The following ZNF451 variants were observed in gnomAD, a reference collection of about 807,000 sequenced individuals.
ZNF451 encodes zinc finger protein 451, also known as E3 SUMO-protein ligase ZNF451.
ZNF451 carries 80 observed loss-of-function variants against 107.1 expected under a neutral mutation model. The ratio of observed to expected loss-of-function variants is 0.75; its 90% CI spans 0.62 to 0.90. ZNF451 has a LOEUF of 0.90. Among genes scored for constraint, ZNF451 ranks in the 40% least tolerant of loss-of-function variants. The pLI, the probability that ZNF451 is intolerant of heterozygous loss-of-function variation, is 0.00. For synonymous variants in ZNF451, 362 were observed against 406.5 expected (o/e 0.89, Z 1.32); for missense variants, 1,107 against 1,236.2 (o/e 0.90, Z 1.57).
At position 57,148,625 on chromosome 6, in the gene ZNF451, C is replaced by A. The variant is rs760210216; in HGVS notation, c.2540C>A (p.Ala847Glu). The A allele has an allele frequency of 3.1e-6, 5 of 1,613,914 alleles. No homozygotes were observed. The highest frequency in any genetic ancestry group is 1.7e-6 in the Non-Finnish European group (2 of 1,179,882). Reference protein sequence around the residue: ...ASHTERKLKQAINYSKSLDME... With the variant: ...ASHTERKLKQEINYSKSLDME... The stretch of plus-strand genomic sequence containing the variant: ...CATACAGAGAGAAAACTGAAACAGG[C>A]AATAAACTATTCAAAAAGTTTAGAC... Residue 847 changes from alanine (A) to glutamate (E), a missense_variant, in exon 10 of 15, where the codon GCA becomes GAA. By Grantham distance (107) the Ala-to-Glu change is moderately radical. This residue lies in a region of ZNF451 where 608 missense variants were observed against 649.2 expected (regional missense o/e 0.94). Coordinates refer to ENST00000370706, the MANE Select transcript of ZNF451 (RefSeq NM_001031623.3).
intron 14 of ZNF451, among the ~76,000 whole-genome samples, chr6:57,163,487 G>C (rs1220127268): frequency 8.6e-4 from 68 of 78,618 alleles, no homozygotes; most frequent in African/African-American, 2.9e-3. Context: ...GTCTCGCTCT[G>C]TCGCCCAGGC....
At chr6:57,133,709 A>T (rs1393882886) in intron 6 of ZNF451, among the ~76,000 whole-genome samples, 1 of 152,158 alleles carries the variant, frequency 6.6e-6, no homozygotes, top group Non-Finnish European at 1.5e-5. Flanking sequence ...TTTTTGAGAC[A>T]GGATCTCACT....
intron 9 of ZNF451, among the ~76,000 whole-genome samples, chr6:57,144,867 T>A (rs1831982157): frequency 6.6e-6 from 1 of 152,158 alleles, no homozygotes; most frequent in Non-Finnish European, 1.5e-5. Flanking sequence ...AGGCAGAGGT[T>A]GCAGTGATCC....
intron 13 of ZNF451, chr6:57,159,508 C>G (rs983996845): frequency 2.3e-5 from 6 of 265,560 alleles, no homozygotes; most frequent in Non-Finnish European, 2.8e-5. Flanking sequence ...TGTAAACTTT[C>G]TTAAAACATT....
chr6:57,165,703 A>G (rs2127989609), intron 14 of ZNF451: 2 of 152,306 alleles, frequency 1.3e-5, no homozygotes. Flanking sequence ...CTTTGAACAT[A>G]CATAAGACAG....
chr6:57,103,952 ATTACT>A (rs777651796), intron 3 of ZNF451: 119 of 985,326 alleles, frequency 1.2e-4, no homozygotes, highest in African/African-American at 1.1e-3. Context: ...CTTGGAAGAA[ATTACT>A]TTATCAGTTA....
chr6:57,096,993 C>T (rs1304896673), intron 2 of ZNF451, among the ~76,000 whole-genome samples: 1 of 151,600 alleles, frequency 6.6e-6, no homozygotes, highest in African/African-American at 2.4e-5. Context: ...TGGTCTTGAA[C>T]TCCTGACCTC....
intron 3 of ZNF451, among the ~76,000 whole-genome samples, chr6:57,114,453 G>T (rs1160625072): frequency 2.0e-5 from 3 of 152,004 alleles, no homozygotes; most frequent in Non-Finnish European, 2.9e-5. Flanking sequence ...ACGGTGTTTG[G>T]CTTGAAATTT....
chr6:57,126,372 T>C (rs1350742304), intron 4 of ZNF451, among the ~76,000 whole-genome samples: 1 of 152,148 alleles, frequency 6.6e-6, no homozygotes, highest in Non-Finnish European at 1.5e-5. Flanking sequence ...TATGGATTAC[T>C]TATTTTTTAA....
intron 13 of ZNF451, chr6:57,154,620 A>T (rs1020832638): frequency 6.5e-6 from 1 of 152,810 alleles, no homozygotes; most frequent in Non-Finnish European, 1.5e-5. Flanking sequence ...CCTAGTATAT[A>T]AGAAAAGATG....
At chr6:57,166,087 G>T (rs1274061658) in intron 14 of ZNF451, among the ~76,000 whole-genome samples, 1 of 151,528 alleles carries the variant, frequency 6.6e-6, no homozygotes, top group Non-Finnish European at 1.5e-5. Context: ...GAGTGCAGTT[G>T]TGTGATCTTG....
intron 3 of ZNF451, chr6:57,109,841 C>T: frequency 1.9e-6 from 1 of 517,676 alleles, no homozygotes; most frequent in Non-Finnish European, 2.5e-6. Flanking sequence ...TTTGTTATTT[C>T]ATATCTGTGT....
intron 2 of ZNF451, among the ~76,000 whole-genome samples, chr6:57,096,767 C>CTTTTTTTT (rs772840052): frequency 2.5e-5 from 2 of 79,932 alleles, no homozygotes; most frequent in Non-Finnish European, 5.0e-5. Flanking sequence ...AATTTTCAGT[C>CTTTTTTTT]TTTTTTTTTT....
intron 3 of ZNF451, chr6:57,105,500 T>G (rs1053653548): frequency 4.1e-6 from 4 of 985,274 alleles, no homozygotes; most frequent in South Asian, 4.7e-5. Flanking sequence ...TTATCATTTG[T>G]ACAATTGCAC....
chr6:57,142,052 C>T lies in ZNF451; in HGVS notation c.961C>T (p.His321Tyr), dbSNP rs1310278191. Residue 321 changes from histidine (H) to tyrosine (Y), a missense_variant, in exon 9 of 15, where the codon CAC becomes TAC. This residue lies in a region of ZNF451 where 339 missense variants were observed against 372.8 expected (regional missense o/e 0.91). Coordinates refer to ENST00000370706, the MANE Select transcript of ZNF451 (RefSeq NM_001031623.3). ...VPFQVKCVAC[H>Y]KTLRSHMELT... ...CTTTCAAGTTAAGTGTGTGGCCTGCCACAAGACACTGCGTTCCCACATGGA... is the reference window on the plus strand; with the variant it reads ...CTTTCAAGTTAAGTGTGTGGCCTGCTACAAGACACTGCGTTCCCACATGGA... 1 of 1,613,838 alleles carries T rather than the reference C, an allele frequency of 6.2e-7. No individual in the cohort carries two copies. Among genetic ancestry groups the T allele is most frequent in the East Asian group, 2.2e-5 (1 of 44,874 alleles).
chr6:57,101,323 C>T, intron 3 of ZNF451: 24 of 1,550,756 alleles, frequency 1.5e-5, no homozygotes, highest in Non-Finnish European at 2.1e-5. Context: ...ATTGCATCCT[C>T]TTCTGAGAAT....
chr6:57,102,188 T>C, intron 3 of ZNF451: 1 of 1,427,752 alleles, frequency 7.0e-7, no homozygotes, highest in South Asian at 1.6e-5. Context: ...AGGTAGGAGA[T>C]CATCTCAAAA....
intron 3 of ZNF451, chr6:57,106,891 A>T (rs1410265084): frequency 6.3e-6 from 6 of 955,844 alleles, no homozygotes; most frequent in African/African-American, 5.3e-5. Flanking sequence ...ATTGAATGCA[A>T]ATCTTTTTAT....
At chr6:57,152,124 A>G in intron 11 of ZNF451, 97 bp from the exon 12 acceptor site, 1 of 1,273,458 alleles carries the variant, frequency 7.9e-7, no homozygotes. Flanking sequence ...CTTTGCCTCT[A>G]GAAAAATTTT....
Sources: gnomAD v4.1 joint callset for allele counts (sites outside exome capture counted in the v4.1 genomes callset) on GRCh38, gnomAD v4.1.1 for gene constraint, gnomAD v4.1.1 regional missense constraint, MANE v1.5 for transcripts, NCBI Gene and HGNC (gene_info 2026-07-23, HGNC 2026-07-21) for gene names.